Variants in SYNE1 observed in about 807,000 individuals in gnomAD.
The protein encoded by SYNE1 is nesprin-1.
In SYNE1, 616 loss-of-function variants were observed where a neutral mutation model predicts 1,111.0. The observed-to-expected ratio is 0.55, with a 90% CI of 0.52 to 0.59. The LOEUF is 0.59. Ranked by LOEUF, SYNE1 falls within the 20% of genes least tolerant of loss-of-function variation. The pLI is 0.00. For missense variants in SYNE1, 10,006 were observed against 10,417.0 expected (o/e 0.96, Z 1.72); for synonymous variants, 3,855 against 3,825.8 (o/e 1.01, Z -0.28).
intron 119 of SYNE1, 65 bp from the exon 120 acceptor site, chr6:152,219,250 G>A (rs554091777): frequency 1.8e-5 from 26 of 1,454,904 alleles, no homozygotes; most frequent in Admixed American, 1.0e-4. Context: ...AACAGCAATC[G>A]GCAAAGGGCT....
Position 152,441,125 on chromosome 6 carries a change from T to C in SYNE1, c.4149+5A>G, listed in dbSNP as rs746939674. ...AATATTGGGTACCAAGGAGCCATAA[T>C]ATACCTTTGTTTGTTCCAGTTCTGA... On this transcript the variant is annotated splice_donor_5th_base_variant and intron_variant, in intron 32 of 145. Transcript: ENST00000367255. The C allele has an allele frequency of 6.2e-7, 1 of 1,613,426 alleles. No individual in the cohort carries two copies. Among genetic ancestry groups the C allele is most frequent in the South Asian group, 1.1e-5 (1 of 91,046 alleles).
chr6:152,565,675 A>G (rs1037245670), intron 3 of SYNE1, among the ~76,000 whole-genome samples: 1 of 152,136 alleles, frequency 6.6e-6, no homozygotes, highest in African/African-American at 2.4e-5. Context: ...AGTTTAAAAA[A>G]AAAAAAAAGG....
At chr6:152,219,337 G>A (rs981153919) in intron 119 of SYNE1, 152 bp from the exon 120 acceptor site, 25 of 762,476 alleles carry the variant, frequency 3.3e-5, no homozygotes, top group Admixed American at 2.6e-4. Flanking sequence ...AAATGAACAC[G>A]CACTGAACCC....
Position 152,471,782 on chromosome 6 carries a change from G to A in SYNE1, c.1464-17C>T, listed in dbSNP as rs781708999. 3.1e-6 allele frequency: 5 copies of A among 1,611,662 alleles called. No individual in the cohort carries two copies. In the South Asian group the frequency reaches 5.5e-5, roughly 18 times the overall value. ...AAATGAAACCTAGAAATAAAACAGG[G>A]AGAATTTATAGAATGTAACTAATAG... On this transcript the variant is annotated splice_polypyrimidine_tract_variant and intron_variant, in intron 15 of 145. Coordinates refer to ENST00000367255, the MANE Select transcript of SYNE1 (RefSeq NM_182961.4).
chr6:152,465,227 C>G (rs767068288), intron 18 of SYNE1, 31 bp downstream of exon 18: 5 of 1,610,076 alleles, frequency 3.1e-6, no homozygotes, highest in Non-Finnish European at 2.5e-6. Context: ...ATACATCAAA[C>G]GTCTTTTCTT....
rs2098742531 is a variant in SYNE1, at chr6:152,462,889, T to C, written c.2099A>G (p.Tyr700Cys). 1.9e-6 allele frequency: 3 copies of C among 1,613,900 alleles called. No homozygotes were observed. The highest frequency in any genetic ancestry group is 2.5e-6 in the Non-Finnish European group (3 of 1,179,886). ...WRELFMEVKQ[Y>C]AQADEMDRMK... ...TCTGTCCATCTCATCAGCTTGAGCATACTGTTAAGGAAAGGGAGGAGGGAA... is the reference window on the plus strand; with the variant it reads ...TCTGTCCATCTCATCAGCTTGAGCACACTGTTAAGGAAAGGGAGGAGGGAA... The change falls in exon 20 of 146, where the codon TAT (tyrosine) becomes TGT (cysteine). Residue 700 changes from tyrosine (Y) to cysteine (C), a missense_variant and splice_region_variant. Tyr to Cys is a radical substitution (Grantham distance 194, BLOSUM62 -2). This residue lies in a region of SYNE1 where 1,971 missense variants were observed against 2,084.1 expected (regional missense o/e 0.95). Coordinates refer to ENST00000367255, the MANE Select transcript of SYNE1 (RefSeq NM_182961.4).
chr6:152,435,459 G>A (rs2098465147), intron 33 of SYNE1: 1 of 153,570 alleles, frequency 6.5e-6, no homozygotes, highest in African/African-American at 2.4e-5. Flanking sequence ...GAGCATATTA[G>A]TCAGGATAAC....
At chr6:152,176,831 C>T (rs1251248532) in intron 129 of SYNE1, among the ~76,000 whole-genome samples, 1 of 151,726 alleles carries the variant, frequency 6.6e-6, no homozygotes, top group Admixed American at 6.6e-5. Flanking sequence ...TATTAAAAAA[C>T]AATAAAAGAT....
intron 5 of SYNE1, among the ~76,000 whole-genome samples, chr6:152,521,348 A>G (rs964734254): frequency 1.3e-5 from 2 of 152,136 alleles, no homozygotes; most frequent in Non-Finnish European, 2.9e-5. Flanking sequence ...GTACAAGCAC[A>G]GTTTCTCTTG....
chr6:152,263,158 G>A (rs1397220095), intron 100 of SYNE1, among the ~76,000 whole-genome samples: 1 of 151,952 alleles, frequency 6.6e-6, no homozygotes. Flanking sequence ...CAGGATGTGG[G>A]AAGGTAGTAT....
intron 90 of SYNE1, among the ~76,000 whole-genome samples, chr6:152,309,067 T>G (rs1185255356): frequency 6.6e-6 from 1 of 152,196 alleles, no homozygotes; most frequent in Non-Finnish European, 1.5e-5. Flanking sequence ...GCCTGTAATC[T>G]CAGCACTTTT....
intron 87 of SYNE1, chr6:152,311,111 G>A (rs150550412): frequency 1.6e-5 from 9 of 546,036 alleles, no homozygotes; most frequent in East Asian, 3.3e-5. Flanking sequence ...GTCATACTAC[G>A]TGTGGGACCA....
intron 42 of SYNE1, 111 bp from the exon 43 acceptor site, chr6:152,409,820 C>T (rs746080381): frequency 1.5e-5 from 17 of 1,132,942 alleles, no homozygotes; most frequent in Admixed American, 1.8e-5. Context: ...TACTCATAGA[C>T]GGATTCCTAC....
intron 45 of SYNE1, among the ~76,000 whole-genome samples, chr6:152,405,433 A>G (rs1366095044): frequency 6.6e-6 from 1 of 152,216 alleles, no homozygotes; most frequent in East Asian, 1.9e-4. Context: ...ACAGCAGTAC[A>G]TTGTTCTAAA....
At chr6:152,463,927 TG>T (rs978962569) in intron 18 of SYNE1, among the ~76,000 whole-genome samples, 1 of 152,150 alleles carries the variant, frequency 6.6e-6, no homozygotes, top group Non-Finnish European at 1.5e-5. Flanking sequence ...TATAAATTGA[TG>T]GGGTATGAGT....
chr6:152,122,345 A>C lies in SYNE1; in HGVS notation c.*91T>G. ...GCTGCCACACCGAGGGCTTTCGCCA[A>C]GATCAAGGTCCTCTTGTTGGTAGTT... On this transcript the variant is annotated 3_prime_UTR_variant, in exon 146 of 146. Coordinates refer to ENST00000367255, the MANE Select transcript of SYNE1 (RefSeq NM_182961.4). 2 of 1,608,584 alleles carry C rather than the reference A, an allele frequency of 1.2e-6. No homozygotes were observed. Among genetic ancestry groups the C allele is most frequent in the Non-Finnish European group, 8.5e-7 (1 of 1,177,550 alleles).
chr6:152,563,604 C>G (rs2128240966), intron 3 of SYNE1, among the ~76,000 whole-genome samples: 1 of 152,174 alleles, frequency 6.6e-6, no homozygotes, highest in East Asian at 1.9e-4. Context: ...TTTATGTCAT[C>G]TCAATAAAGC....
chr6:152,350,811 G>A (rs373081996), intron 70 of SYNE1, 41 bp from the exon 71 acceptor site: 37 of 1,611,890 alleles, frequency 2.3e-5, no homozygotes, highest in Admixed American at 1.0e-4. Context: ...GCTCATCTCC[G>A]TGGACAAGAT....
intron 98 of SYNE1, among the ~76,000 whole-genome samples, chr6:152,275,716 AC>A (rs1427232148): frequency 6.9e-6 from 1 of 143,982 alleles, no homozygotes. Flanking sequence ...CTCCATCTCT[AC>A]AAAAAATTAA....
Sources: gnomAD v4.1 joint callset for allele counts (sites outside exome capture counted in the v4.1 genomes callset) on GRCh38, gnomAD v4.1.1 for gene constraint, gnomAD v4.1.1 regional missense constraint, MANE v1.5 for transcripts, NCBI Gene and HGNC (gene_info 2026-07-23, HGNC 2026-07-21) for gene names.